TASP1: variants seen among roughly 807,000 people sequenced by gnomAD.
The protein encoded by TASP1 is threonine aspartase 1.
In TASP1, 16 loss-of-function variants were observed where a neutral mutation model predicts 56.6. That is an observed-to-expected ratio of 0.28 (90% CI 0.19 to 0.43). The LOEUF (loss-of-function observed/expected upper bound fraction) is 0.43, where lower values mean the gene tolerates loss of function less well. Ranked by LOEUF, TASP1 falls within the 20% of genes least tolerant of loss-of-function variation. TASP1 has a pLI of 1.00. For synonymous variants in TASP1, 179 were observed against 184.2 expected (o/e 0.97, Z 0.23); for missense variants, 393 against 511.6 (o/e 0.77, Z 2.24).
the TASP1 span, among the ~76,000 whole-genome samples, chr20:13,383,482 C>T: frequency 1.3e-5 from 2 of 152,146 alleles, no homozygotes; most frequent in African/African-American, 4.8e-5. Context: ...TTAGGCTGTC[C>T]CTCCCTCTTG....
chr20:13,411,208 T>TG lies in TASP1; in HGVS notation c.1170+6239dup, dbSNP rs1401455375. Among the ~76,000 whole-genome samples the TG allele has an allele frequency of 2.6e-5, 4 of 152,304 alleles. No homozygotes were observed. In the South Asian group the frequency reaches 8.3e-4, roughly 32 times the overall value. On this transcript the variant is annotated intron_variant, in intron 13 of 13. Transcript: ENST00000337743. ...TATGCCTGTTTTTATCATAATGTTT[T>TG]GGTTACTATAGGTTTGCAAGGTATT...
intron 10 of TASP1, among the ~76,000 whole-genome samples, chr20:13,504,398 G>T (rs1325078810): frequency 6.6e-6 from 1 of 151,856 alleles, no homozygotes; most frequent in Non-Finnish European, 1.5e-5. Flanking sequence ...AAAAATAAAG[G>T]TTTTCCCAGA....
At chr20:13,193,832 C>T in the TASP1 span, among the ~76,000 whole-genome samples, 67 of 152,250 alleles carry the variant, frequency 4.4e-4, no homozygotes, top group South Asian at 0.013. Context: ...AATAGGAAAG[C>T]GGCATGCTAA....
the TASP1 span, among the ~76,000 whole-genome samples, chr20:13,381,218 G>T: frequency 6.6e-6 from 1 of 152,166 alleles, no homozygotes; most frequent in Non-Finnish European, 1.5e-5. Context: ...GGCACCCAAG[G>T]GAATCTCCTG....
At chr20:13,243,595 C>T in the TASP1 span, among the ~76,000 whole-genome samples, 1 of 152,108 alleles carries the variant, frequency 6.6e-6, no homozygotes, top group Non-Finnish European at 1.5e-5. Flanking sequence ...AGTAAAACGA[C>T]CATCTGAATG....
intron 10 of TASP1, among the ~76,000 whole-genome samples, chr20:13,517,171 C>A (rs2044572053): frequency 6.6e-6 from 1 of 152,010 alleles, no homozygotes; most frequent in Non-Finnish European, 1.5e-5. Flanking sequence ...TCAACATATT[C>A]CTATATTGGC....
the TASP1 span, chr20:13,165,063 T>C: frequency 3.0e-4 from 159 of 533,948 alleles, no homozygotes; most frequent in East Asian, 4.9e-3. Flanking sequence ...TGATTCCAGA[T>C]TTAAGTCTCT....
In TASP1 at chr20:13,395,621, T is replaced by G. The variant is rs191516647; in HGVS notation, c.1171-5169A>C. Among the ~76,000 whole-genome samples, 10 of 152,292 alleles carry G rather than the reference T, an allele frequency of 6.6e-5. No individual in the cohort carries two copies. The East Asian group carries it at 1.9e-3, about 29-fold the overall frequency. On this transcript the variant is annotated intron_variant, in intron 13 of 13. Transcript: ENST00000337743. ...TATATGGTACTGTGAGACTGTATTGTGAACTGGGTAGTACCTTACATCCTT... is the reference window on the plus strand; with the variant it reads ...TATATGGTACTGTGAGACTGTATTGGGAACTGGGTAGTACCTTACATCCTT...
At chr20:13,456,538 T>C (rs573104492) in intron 11 of TASP1, among the ~76,000 whole-genome samples, 2 of 152,314 alleles carry the variant, frequency 1.3e-5, no homozygotes, top group South Asian at 2.1e-4. Context: ...CACTGTTATA[T>C]ACTCAGGACC....
intron 11 of TASP1, among the ~76,000 whole-genome samples, chr20:13,458,677 A>T (rs1434995015): frequency 6.6e-6 from 1 of 151,944 alleles, no homozygotes; most frequent in African/African-American, 2.4e-5. Flanking sequence ...TGGGATAAAT[A>T]AAAAAAAGAA....
chr20:13,260,860 G>C, the TASP1 span, among the ~76,000 whole-genome samples: 1 of 152,128 alleles, frequency 6.6e-6, no homozygotes, highest in Non-Finnish European at 1.5e-5. Flanking sequence ...GGGTCAGCAG[G>C]GTGGCTCTCA....
intron 4 of TASP1, among the ~76,000 whole-genome samples, chr20:13,604,942 A>AT (rs1191706155): frequency 3.3e-5 from 5 of 150,886 alleles, no homozygotes; most frequent in Middle Eastern, 3.2e-3. Context: ...AAATGAAAGC[A>AT]TATGTTCACA....
the TASP1 span, among the ~76,000 whole-genome samples, chr20:13,289,116 T>A: frequency 3.9e-5 from 6 of 152,116 alleles, no homozygotes; most frequent in African/African-American, 1.4e-4. Flanking sequence ...CCAGAGTGAG[T>A]CAGGAGATAA....
At chr20:13,126,302 C>T in the TASP1 span, among the ~76,000 whole-genome samples, 1 of 152,322 alleles carries the variant, frequency 6.6e-6, no homozygotes, top group South Asian at 2.1e-4. Context: ...TCAACAAATG[C>T]TTCAGGAATC....
At chr20:13,153,535 C>T in the TASP1 span, among the ~76,000 whole-genome samples, 1 of 151,914 alleles carries the variant, frequency 6.6e-6, no homozygotes, top group Non-Finnish European at 1.5e-5. Flanking sequence ...GATGAAGGAT[C>T]CTTTGATTAG....
chr20:13,511,706 T>C (rs2044332470), intron 10 of TASP1, among the ~76,000 whole-genome samples: 1 of 151,762 alleles, frequency 6.6e-6, no homozygotes, highest in Admixed American at 6.6e-5. Flanking sequence ...ACCCCACCCA[T>C]TAACTTGTCA....
At chr20:13,459,473 A>G (rs2043972487) in intron 11 of TASP1, among the ~76,000 whole-genome samples, 1 of 152,100 alleles carries the variant, frequency 6.6e-6, no homozygotes, top group African/African-American at 2.4e-5. Flanking sequence ...ACAAAATTCC[A>G]ACCATAATTA....
chr20:13,124,393 T>G, the TASP1 span, among the ~76,000 whole-genome samples: 1 of 150,988 alleles, frequency 6.6e-6, no homozygotes, highest in African/African-American at 2.4e-5. Flanking sequence ...AAGGAAATAC[T>G]TTGAAATACA....
the TASP1 span, among the ~76,000 whole-genome samples, chr20:13,284,591 T>C: frequency 1.3e-5 from 2 of 152,238 alleles, no homozygotes; most frequent in African/African-American, 4.8e-5. Flanking sequence ...GATTTGTCCC[T>C]GTCAGAAATG....
Sources: allele counts gnomAD v4.1 joint callset (sites outside exome capture counted in the v4.1 genomes callset), GRCh38; gene constraint gnomAD v4.1.1; transcripts MANE v1.5; gene names NCBI Gene and HGNC (gene_info 2026-07-23, HGNC 2026-07-21).